The following DDX46 variants were observed in gnomAD, a reference collection of about 807,000 sequenced individuals.
DDX46 encodes the protein DEAD-box helicase 46, also known as probable ATP-dependent RNA helicase DDX46.
Under a neutral mutation model 134.9 loss-of-function variants are expected in DDX46, and 30 were observed. That is an observed-to-expected ratio of 0.22 (90% confidence interval 0.17 to 0.30). The LOEUF (loss-of-function observed/expected upper bound fraction) is 0.30. Ranked by LOEUF, DDX46 falls within the 10% of genes least tolerant of loss-of-function variation. The pLI, the probability that DDX46 is intolerant of heterozygous loss-of-function variation, is 1.00. For missense variants in DDX46, 622 were observed against 1,248.7 expected (o/e 0.50, Z 7.56); for synonymous variants, 415 against 404.1 (o/e 1.03, Z -0.32).
chr5:134,778,535 GA>G (rs1754021732), intron 6 of DDX46, among the ~76,000 whole-genome samples: 1 of 152,004 alleles, frequency 6.6e-6, no homozygotes, highest in Non-Finnish European at 1.5e-5. Flanking sequence ...CTAGTGATTG[GA>G]AAATACCATT....
chr5:134,813,979 G>C (rs1453975508), intron 18 of DDX46, among the ~76,000 whole-genome samples: 2 of 151,988 alleles, frequency 1.3e-5, no homozygotes, highest in Non-Finnish European at 2.9e-5. Context: ...CAAGAAAAAA[G>C]ACTATTAAAT....
chr5:134,797,964 C>T (rs1179754621), intron 15 of DDX46, among the ~76,000 whole-genome samples: 1 of 152,098 alleles, frequency 6.6e-6, no homozygotes, highest in Non-Finnish European at 1.5e-5. Context: ...AGACATGCAC[C>T]ACCATGCCTG....
At chr5:134,809,810 A>AC (rs1755090843) in intron 16 of DDX46, among the ~76,000 whole-genome samples, 1 of 152,042 alleles carries the variant, frequency 6.6e-6, no homozygotes, top group Admixed American at 6.5e-5. Flanking sequence ...GGAGTTCAAG[A>AC]CCAGCCTGAC....
intron 8 of DDX46, 148 bp downstream of exon 8, chr5:134,782,234 G>A (rs943939555): frequency 1.9e-5 from 17 of 892,182 alleles, no homozygotes; most frequent in East Asian, 6.1e-5. Flanking sequence ...GGCCAGCTGC[G>A]GTGGCTCACG....
chr5:134,787,455 A>G (rs1754372629), intron 11 of DDX46, among the ~76,000 whole-genome samples: 1 of 152,226 alleles, frequency 6.6e-6, no homozygotes, highest in Non-Finnish European at 1.5e-5. Context: ...ACTTAACTAC[A>G]AAACTGTTTC....
chr5:134,782,866 A>C, intron 8 of DDX46, 79 bp from the exon 9 acceptor site: 1 of 1,540,624 alleles, frequency 6.5e-7, no homozygotes, highest in Non-Finnish European at 8.8e-7. Context: ...AAAGTTTGTT[A>C]ATCTTATGCC....
intron 18 of DDX46, among the ~76,000 whole-genome samples, chr5:134,814,502 G>C (rs1019955095): frequency 1.3e-5 from 2 of 152,170 alleles, no homozygotes; most frequent in African/African-American, 4.8e-5. Flanking sequence ...TTATGAATTT[G>C]TTCAGATTGT....
intron 6 of DDX46, among the ~76,000 whole-genome samples, chr5:134,778,763 C>T (rs923330295): frequency 2.0e-5 from 3 of 151,506 alleles, no homozygotes; most frequent in African/African-American, 7.3e-5. Flanking sequence ...TAGTAGAGAC[C>T]GGGTTTCACC....
chr5:134,794,312 C>A (rs934441634), intron 13 of DDX46, among the ~76,000 whole-genome samples: 1 of 152,112 alleles, frequency 6.6e-6, no homozygotes, highest in Admixed American at 6.5e-5. Flanking sequence ...AGAAAATAGC[C>A]ACAATTTATC....
chr5:134,759,044 C>A (rs1677192382), intron 1 of DDX46, 89 bp downstream of exon 1: 2 of 1,561,114 alleles, frequency 1.3e-6, no homozygotes, highest in African/African-American at 1.4e-5. Context: ...CCGGGCCAGG[C>A]CTGGCGCGGC....
chr5:134,762,579 C>G (rs994268380), intron 1 of DDX46, among the ~76,000 whole-genome samples: 5 of 150,136 alleles, frequency 3.3e-5, no homozygotes, highest in East Asian at 2.0e-4. Flanking sequence ...ACTAAAGATA[C>G]GAAACTGGCT....
At chr5:134,782,367 C>T (rs1754179909) in intron 8 of DDX46, among the ~76,000 whole-genome samples, 1 of 151,804 alleles carries the variant, frequency 6.6e-6, no homozygotes, top group African/African-American at 2.4e-5. Flanking sequence ...CTAGGCTGGG[C>T]ACAGTGGCTC....
chr5:134,812,084 G>A (rs1043736468), intron 18 of DDX46, among the ~76,000 whole-genome samples: 22 of 105,744 alleles, frequency 2.1e-4, no homozygotes, highest in African/African-American at 8.3e-4. Context: ...TTTTTTTTGC[G>A]ATGGGAGTCT....
chr5:134,809,905 C>T (rs1003409935), intron 16 of DDX46, among the ~76,000 whole-genome samples: 3 of 151,966 alleles, frequency 2.0e-5, no homozygotes, highest in Admixed American at 6.6e-5. Context: ...CCGAGCTACT[C>T]GGGAGGCTGA....
At chr5:134,821,353 T>G (rs1755444014) in intron 21 of DDX46, among the ~76,000 whole-genome samples, 1 of 151,588 alleles carries the variant, frequency 6.6e-6, no homozygotes. Context: ...ATTTTTGTAT[T>G]TTTAGTAGGG....
chr5:134,809,201 C>T (rs988264882), intron 16 of DDX46, among the ~76,000 whole-genome samples: 1 of 152,034 alleles, frequency 6.6e-6, no homozygotes, highest in African/African-American at 2.4e-5. Flanking sequence ...AAATTGTAGC[C>T]TATTTGGGCT....
intron 19 of DDX46, 39 bp from the exon 20 acceptor site, chr5:134,817,457 C>A: frequency 6.3e-7 from 1 of 1,589,464 alleles, no homozygotes; most frequent in Admixed American, 1.7e-5. Context: ...CTTGTCTCTG[C>A]CCTCATTTGA....
At chr5:134,774,011 G>A (rs1753856814) in intron 5 of DDX46, 150 bp downstream of exon 5, 2 of 898,426 alleles carry the variant, frequency 2.2e-6, no homozygotes, top group Non-Finnish European at 3.1e-6. Flanking sequence ...TTTCAATTCA[G>A]TGATAAATAC....
chr5:134,786,836 C>G (rs1754351793), intron 11 of DDX46, among the ~76,000 whole-genome samples: 1 of 152,146 alleles, frequency 6.6e-6, no homozygotes, highest in Non-Finnish European at 1.5e-5. Context: ...CAGAGCAAGA[C>G]TCCATCTTGG....
Sources: allele counts gnomAD v4.1 joint callset (sites outside exome capture counted in the v4.1 genomes callset), GRCh38; gene constraint gnomAD v4.1.1; transcripts MANE v1.5; gene names NCBI Gene and HGNC (gene_info 2026-07-23, HGNC 2026-07-21).